Variants in RGS7 observed in about 807,000 individuals in gnomAD.
RGS7 encodes regulator of G protein signaling 7, also known as regulator of G-protein signaling 7.
RGS7 carries 27 observed loss-of-function variants against 81.1 expected under a neutral mutation model. That is an observed-to-expected ratio of 0.33 (90% CI 0.25 to 0.46). The LOEUF is 0.46. Ranked by LOEUF, RGS7 falls within the 20% of genes least tolerant of loss-of-function variation. The probability of loss-of-function intolerance (pLI) is 1.00; values close to 1 mark genes in which losing one functional copy is unlikely to be tolerated. For synonymous variants in RGS7, 208 were observed against 207.7 expected, an observed-to-expected ratio of 1.00 and a Z score of -0.01; for missense variants, 396 against 607.4, an observed-to-expected ratio of 0.65 and a Z score of 3.66.
chr1:241,085,217 G>A (rs1052033956), intron 3 of RGS7, among the ~76,000 whole-genome samples: 14 of 152,294 alleles, frequency 9.2e-5, no homozygotes, highest in African/African-American at 2.9e-4. Context: ...TTTCTCTATG[G>A]TAGAATGGTA....
At chr1:240,800,797 T>C (rs945173053) in intron 17 of RGS7, 76 bp from the exon 18 acceptor site, 7 of 759,284 alleles carry the variant, frequency 9.2e-6, no homozygotes, top group African/African-American at 1.8e-5. Flanking sequence ...ACTGGCACAA[T>C]ACAAAAAAAA....
intron 6 of RGS7, chr1:240,920,658 G>C: frequency 1.0e-6 from 1 of 999,416 alleles, no homozygotes; most frequent in South Asian, 1.3e-5. Context: ...AGAAGTGACA[G>C]GGAAGCTACA....
At chr1:241,083,747 T>C (rs2063283838) in intron 3 of RGS7, among the ~76,000 whole-genome samples, 1 of 152,224 alleles carries the variant, frequency 6.6e-6, no homozygotes, top group African/African-American at 2.4e-5. Flanking sequence ...TATCCTTGAA[T>C]TTTCTCTGGG....
intron 3 of RGS7, among the ~76,000 whole-genome samples, chr1:240,995,258 A>T (rs1247728342): frequency 6.6e-6 from 1 of 152,116 alleles, no homozygotes; most frequent in Non-Finnish European, 1.5e-5. Context: ...TTTGCTAAGG[A>T]GTTTTACATC....
chr1:240,895,820 G>A (rs1375740028), intron 6 of RGS7, among the ~76,000 whole-genome samples: 3 of 152,158 alleles, frequency 2.0e-5, no homozygotes, highest in African/African-American at 7.2e-5. Flanking sequence ...GGATTGCTGG[G>A]TCAAATGGTA....
intron 4 of RGS7, among the ~76,000 whole-genome samples, chr1:240,973,165 T>C (rs1484175094): frequency 6.6e-6 from 1 of 152,158 alleles, no homozygotes; most frequent in Non-Finnish European, 1.5e-5. Flanking sequence ...ATTTTCTGGT[T>C]GTAAATTGAT....
chr1:240,976,164 T>TAAAATAGC (rs1156431100), intron 4 of RGS7, among the ~76,000 whole-genome samples: 2 of 152,172 alleles, frequency 1.3e-5, no homozygotes, highest in African/African-American at 2.4e-5. Context: ...TAACTGAGAG[T>TAAAATAGC]AAAATAGCAA....
chr1:241,065,861 G>T (rs1459244791), intron 3 of RGS7, among the ~76,000 whole-genome samples: 1 of 152,054 alleles, frequency 6.6e-6, no homozygotes, highest in African/African-American at 2.4e-5. Flanking sequence ...GTTAAATTAG[G>T]CTAATAATAG....
chr1:241,205,801 A>C (rs1216320349), intron 2 of RGS7, among the ~76,000 whole-genome samples: 1 of 152,046 alleles, frequency 6.6e-6, no homozygotes, highest in Non-Finnish European at 1.5e-5. Flanking sequence ...TTAACTTTAA[A>C]GATGCTCCTA....
intron 2 of RGS7, among the ~76,000 whole-genome samples, chr1:241,253,496 G>A (rs576723692): frequency 1.3e-5 from 2 of 152,232 alleles, no homozygotes; most frequent in Admixed American, 1.3e-4. Flanking sequence ...CCATTTGACA[G>A]GAAGAGTCAC....
chr1:241,162,335 A>C (rs2069789434), intron 2 of RGS7, among the ~76,000 whole-genome samples: 1 of 152,066 alleles, frequency 6.6e-6, no homozygotes, highest in African/African-American at 2.4e-5. Flanking sequence ...TCTGCTGGTA[A>C]GGGAAAAACG....
At chr1:241,048,530 T>C (rs2061072447) in intron 3 of RGS7, among the ~76,000 whole-genome samples, 1 of 152,146 alleles carries the variant, frequency 6.6e-6, no homozygotes, top group African/African-American at 2.4e-5. Context: ...TTACTAATAA[T>C]ACTATATGGC....
chr1:241,226,688 AC>A, intron 2 of RGS7, among the ~76,000 whole-genome samples: 1 of 152,348 alleles, frequency 6.6e-6, no homozygotes, highest in Non-Finnish European at 1.5e-5. Context: ...AATCTGACCT[AC>A]TTCATTCCAT....
Position 240,811,907 on chromosome 1 carries a change from A to G in RGS7, c.1082+11T>C, listed in dbSNP as rs1420775162. On this transcript the variant is annotated intron_variant, in intron 14 of 18. Coordinates refer to ENST00000440928, the MANE Select transcript of RGS7 (RefSeq NM_001364886.1). ...TTCTCTGGCTTATAAGATCCAAGCA[A>G]TGTGTTTTACCTTAAATTTTCCGAG... 1.2e-6 allele frequency: 2 copies of G among 1,605,966 alleles called. No homozygotes were observed. The highest frequency in any genetic ancestry group is 1.7e-5 in the Admixed American group (1 of 60,006).
At chr1:241,081,276 T>G (rs1186040158) in intron 3 of RGS7, among the ~76,000 whole-genome samples, 1 of 152,244 alleles carries the variant, frequency 6.6e-6, no homozygotes, top group African/African-American at 2.4e-5. Context: ...ATGCCCACTT[T>G]TTAGTACAGT....
intron 2 of RGS7, among the ~76,000 whole-genome samples, chr1:241,150,815 G>A (rs2068692055): frequency 6.6e-6 from 1 of 152,196 alleles, no homozygotes; most frequent in Non-Finnish European, 1.5e-5. Context: ...AGAGAAGCCA[G>A]GAGAGTGGCT....
intron 2 of RGS7, among the ~76,000 whole-genome samples, chr1:241,115,490 C>T (rs891832711): frequency 2.0e-5 from 3 of 152,138 alleles, no homozygotes; most frequent in Middle Eastern, 3.2e-3. Context: ...AAAATCCACT[C>T]GTCCAGCTTT....
chr1:241,027,546 G>A (rs2059855545), intron 3 of RGS7, among the ~76,000 whole-genome samples: 1 of 152,142 alleles, frequency 6.6e-6, no homozygotes, highest in Non-Finnish European at 1.5e-5. Context: ...ATGTACTCCA[G>A]GGGAAAGATG....
chr1:241,258,679 C>T (rs2077161260), intron 2 of RGS7, among the ~76,000 whole-genome samples: 3 of 152,268 alleles, frequency 2.0e-5, no homozygotes, highest in South Asian at 2.1e-4. Context: ...GGAACAGACA[C>T]CCTTGCAGGT....
Sources: allele counts gnomAD v4.1 joint callset (sites outside exome capture counted in the v4.1 genomes callset), GRCh38; gene constraint gnomAD v4.1.1; transcripts MANE v1.5; gene names NCBI Gene and HGNC (gene_info 2026-07-23, HGNC 2026-07-21).